EIF3A: variants seen among roughly 807,000 people sequenced by gnomAD.
EIF3A encodes the protein EIF3, p180 subunit.
A neutral mutation model predicts 186.6 loss-of-function variants in EIF3A; 21 were observed. The observed-to-expected ratio is 0.11, with a 90% CI of 0.08 to 0.16. The LOEUF (loss-of-function observed/expected upper bound fraction) is 0.16. Ranked by LOEUF, EIF3A falls within the 10% of genes least tolerant of loss-of-function variation. The probability of loss-of-function intolerance (pLI) is 1.00; values close to 1 mark genes in which losing one functional copy is unlikely to be tolerated. For missense variants in EIF3A, 1,306 were observed against 1,796.3 expected, an observed-to-expected ratio of 0.73 and a Z score of 4.93; for synonymous variants, 563 against 584.3, an observed-to-expected ratio of 0.96 and a Z score of 0.52.
At chr10:119,054,773 T>C (rs540052664) in intron 14 of EIF3A, among the ~76,000 whole-genome samples, 3 of 151,902 alleles carry the variant, frequency 2.0e-5, no homozygotes, top group African/African-American at 7.2e-5. Flanking sequence ...ACTTGATTAG[T>C]GCAAGAGGCC....
Position 119,050,533 on chromosome 10 carries a change from G to C in EIF3A, c.2461C>G (p.Gln821Glu), listed in dbSNP as rs761136012. The C allele has an allele frequency of 3.7e-6, 6 of 1,613,806 alleles. No individual in the cohort carries two copies. In the Admixed American group the frequency reaches 8.3e-5, roughly 22 times the overall value. ...TTGACCTGTGTACCTTTTAGCATTT[G>C]TTCTTCTGCCCTTCTCTGCTCCTCC... is the stretch of plus-strand genomic sequence containing the variant. Reference protein sequence around the residue: ...EEEEQRRAEEQMLKEREERER... With the variant: ...EEEEQRRAEEEMLKEREERER... The change falls in exon 16 of 22, where the codon CAA becomes GAA. Residue 821 changes from glutamine to glutamate, a missense_variant. This residue lies in a region of EIF3A where 410 missense variants were observed against 473.5 expected (regional missense o/e 0.87). Coordinates refer to ENST00000369144, the MANE Select transcript of EIF3A (RefSeq NM_003750.4).
chr10:119,067,480 A>G (rs1298684481), intron 6 of EIF3A, among the ~76,000 whole-genome samples: 2 of 152,178 alleles, frequency 1.3e-5, no homozygotes, highest in African/African-American at 4.8e-5. Context: ...AGTCTCTGCT[A>G]CTCAGAAGGC....
chr10:119,051,622 T>C (rs1488586886), intron 14 of EIF3A, among the ~76,000 whole-genome samples: 1 of 152,142 alleles, frequency 6.6e-6, no homozygotes, highest in African/African-American at 2.4e-5. Context: ...GCACTGCAGG[T>C]TTGGTTCTAG....
chr10:119,048,826 G>A (rs1385294735), intron 17 of EIF3A, among the ~76,000 whole-genome samples: 17 of 151,968 alleles, frequency 1.1e-4, no homozygotes, highest in Middle Eastern at 3.4e-3. Context: ...TGCTGCCACC[G>A]CACCCAGCTA....
Position 119,051,252 on chromosome 10 carries a change from C to T in EIF3A, c.2266G>A (p.Asp756Asn), listed in dbSNP as rs1848352921. 1.9e-6 allele frequency: 3 copies of T among 1,612,468 alleles called. No individual in the cohort carries two copies. The highest frequency in any genetic ancestry group is 4.5e-5 in the East Asian group (2 of 44,758). ...HKNRMSRMLEDRDLFVMRLKA... is the reference protein window; with the variant it reads ...HKNRMSRMLENRDLFVMRLKA... ...AGTCGCATTACGAATAAATCTCTGT[C>T]TTCAAGCATTCGTGACATTCGATTC... Residue 756 changes from aspartate (D) to asparagine (N), a missense_variant, in exon 15 of 22, where the codon GAC becomes AAC. Around this residue, in one of 8 missense-constraint regions of EIF3A, gnomAD observed 410 missense variants for 473.5 expected, o/e 0.87. Coordinates refer to ENST00000369144, the MANE Select transcript of EIF3A (RefSeq NM_003750.4).
chr10:119,041,895 G>T (rs556687977), intron 19 of EIF3A, 99 bp downstream of exon 19: 3 of 1,314,122 alleles, frequency 2.3e-6, no homozygotes, highest in African/African-American at 1.5e-5. Context: ...TGAAAGACCA[G>T]TTTATCTGGA....
chr10:119,043,898 C>CA (rs938758409), intron 18 of EIF3A, among the ~76,000 whole-genome samples, 156 bp downstream of exon 18: 6 of 152,086 alleles, frequency 3.9e-5, no homozygotes, highest in East Asian at 1.9e-4. Context: ...GCAGCAGACC[C>CA]AAAAAAACAA....
rs1222857918 is a variant in EIF3A at position 119,044,220 on chromosome 10, AT to A, written c.2659-79del. 5.1e-6 allele frequency: 5 copies of A among 980,584 alleles called. No homozygotes were observed. The African/African-American group carries it at 6.6e-5, about 13-fold the overall frequency. The allele number at this position is 980,584 out of a possible 1,614,324, so 60.7% of individuals were successfully genotyped here. On this transcript the variant is annotated intron_variant, in intron 17 of 21. Coordinates refer to ENST00000369144, the MANE Select transcript of EIF3A (RefSeq NM_003750.4). ...CAACTACTGGTATTACCATTCAAAT[AT>A]TTTTTGTACTTATAACAATATGAAG...
At chr10:119,043,928 T>C in intron 18 of EIF3A, 126 bp downstream of exon 18, 1 of 729,756 alleles carries the variant, frequency 1.4e-6, no homozygotes, top group Non-Finnish European at 2.4e-6. Context: ...CCACACGCAA[T>C]CAGACATGCA....
In EIF3A at chr10:119,044,059, T is replaced by C. The variant is rs1191300598; in HGVS notation, c.2742A>G (p.Pro914=). ...EADSEWRRGP[P]EKEWRRGEGR... is the part of the protein sequence containing the mutation. ...TTTTCCTCAACTCTACTTACTTCTC[T>C]GGCGGGCCTCTTCTCCACTCAGAAT... Residue 914 remains proline, a synonymous_variant, in exon 18 of 22, where the codon CCA becomes CCG. Coordinates refer to ENST00000369144, the MANE Select transcript of EIF3A (RefSeq NM_003750.4). 3 of 1,611,578 alleles carry C rather than the reference T, an allele frequency of 1.9e-6. No homozygotes were observed. The highest frequency in any genetic ancestry group is 2.5e-6 in the Non-Finnish European group (3 of 1,177,776).
At chr10:119,047,658 A>C (rs1162575396) in intron 17 of EIF3A, among the ~76,000 whole-genome samples, 1 of 152,238 alleles carries the variant, frequency 6.6e-6, no homozygotes, top group Non-Finnish European at 1.5e-5. Context: ...TTTCATGCAC[A>C]CACACAACTT....
At position 119,042,707 on chromosome 10, in the gene EIF3A, C is replaced by G. The variant is rs779403737; in HGVS notation, c.2813G>C (p.Arg938Pro). The G allele has an allele frequency of 1.9e-6, 3 of 1,613,926 alleles. No individual in the cohort carries two copies. The highest frequency in any genetic ancestry group is 2.5e-6 in the Non-Finnish European group (3 of 1,180,028). Residue 938 changes from arginine to proline, a missense_variant, in exon 19 of 22, where the codon CGG becomes CCG. This residue lies in a region of EIF3A where 410 missense variants were observed against 473.5 expected (regional missense o/e 0.87). Coordinates refer to ENST00000369144, the MANE Select transcript of EIF3A (RefSeq NM_003750.4). The surrounding 1 kb of genome is among the most constrained non-coding windows in gnomAD (Gnocchi z 7.8). Reference sequence around the variant, plus strand: ...TCTATCTTCATCATCCCCCAGACGCCGGGGCCGCTCTTCATCTCTTCTATG... The same window carrying G: ...TCTATCTTCATCATCCCCCAGACGCGGGGGCCGCTCTTCATCTCTTCTATG... ...RSHRRDEERP[R>P]RLGDDEDREP... is the part of the protein sequence containing the mutation.
At chr10:119,072,243 T>TAAAAA (rs68078133) in intron 4 of EIF3A, among the ~76,000 whole-genome samples, 43 of 122,826 alleles carry the variant, frequency 3.5e-4, no homozygotes, top group African/African-American at 1.3e-3. Flanking sequence ...TCAAGTTCAC[T>TAAAAA]AAAAAAAAAA....
chr10:119,043,590 G>A (rs968846020), intron 18 of EIF3A, among the ~76,000 whole-genome samples: 2 of 152,052 alleles, frequency 1.3e-5, no homozygotes, highest in East Asian at 1.9e-4. Context: ...ACTCCAGAGT[G>A]AGACGCCATC....
intron 1 of EIF3A, among the ~76,000 whole-genome samples, chr10:119,075,441 C>A (rs1033590558): frequency 1.3e-5 from 2 of 151,514 alleles, no homozygotes; most frequent in Non-Finnish European, 2.9e-5. Flanking sequence ...TAAATTTCCT[C>A]ATCTTTTATT....
In EIF3A at chr10:119,051,369, CATT is replaced by C. The variant is rs1468018576; in HGVS notation, c.2197-51_2197-49del. ...ATTTCAATGCACTTTTTTTTTTACT[CATT>C]AACCCCAAATTACTGAGAAATACTC... On this transcript the variant is annotated intron_variant, in intron 14 of 21. Coordinates refer to ENST00000369144, the MANE Select transcript of EIF3A (RefSeq NM_003750.4). The C allele has an allele frequency of 3.3e-6, 5 of 1,508,098 alleles. No homozygotes were observed. In the South Asian group the frequency reaches 3.9e-5, roughly 12 times the overall value. The allele number at this position is 1,508,098 out of a possible 1,614,324, so 93.4% of individuals were successfully genotyped here.
chr10:119,078,618 G>C (rs1844212217), intron 1 of EIF3A, among the ~76,000 whole-genome samples: 1 of 152,030 alleles, frequency 6.6e-6, no homozygotes, highest in Non-Finnish European at 1.5e-5. Context: ...TACTCTGAAG[G>C]GAACGCATGC....
chr10:119,068,480 G>T (rs1378932806), intron 6 of EIF3A, among the ~76,000 whole-genome samples: 1 of 150,700 alleles, frequency 6.6e-6, no homozygotes, highest in Non-Finnish European at 1.5e-5. Context: ...TTCGAGGACA[G>T]CCTGGCCAAC....
Position 119,059,393 on chromosome 10 carries a change from C to T in EIF3A, c.1448G>A (p.Arg483His). Residue 483 changes from arginine to histidine, a missense_variant, in exon 11 of 22, where the codon CGT becomes CAT. Physicochemically the swap from Arg to His is conservative, Grantham distance 29. Coordinates refer to ENST00000369144, the MANE Select transcript of EIF3A (RefSeq NM_003750.4). ...DAARHCDLQV[R>H]IDHTSRTLSF... ...CAGGGTCCGAGAAGTGTGATCAATA[C>T]GAACCTTTGAAAATTAAATTATCAA... 1 of 1,559,508 alleles carries T rather than the reference C, an allele frequency of 6.4e-7. No individual in the cohort carries two copies. The highest frequency in any genetic ancestry group is 8.7e-7 in the Non-Finnish European group (1 of 1,153,990).
Sources: gnomAD v4.1 joint callset for allele counts (sites outside exome capture counted in the v4.1 genomes callset) on GRCh38, gnomAD v4.1.1 for gene constraint, gnomAD v4.1.1 regional missense constraint, Gnocchi (gnomAD v3.1) non-coding constraint, MANE v1.5 for transcripts, NCBI Gene and HGNC (gene_info 2026-07-23, HGNC 2026-07-21) for gene names.